Variants in HYDIN observed in about 807,000 individuals in gnomAD.
HYDIN encodes the protein axonemal central pair apparatus protein HYDIN.
Under a neutral mutation model 403.9 loss-of-function variants are expected in HYDIN, and 132 were observed. That is an observed-to-expected ratio of 0.33 (90% confidence interval 0.28 to 0.38). The LOEUF (loss-of-function observed/expected upper bound fraction) is 0.38, where lower values mean the gene tolerates loss of function less well. Ranked by LOEUF, HYDIN falls within the 10% of genes least tolerant of loss-of-function variation. The pLI is 1.00. For synonymous variants in HYDIN, 1,202 were observed against 1,891.7 expected (o/e 0.64, Z 9.46); for missense variants, 2,827 against 5,009.5 (o/e 0.56, Z 13.15).
rs1468514709 is a variant in HYDIN at position 70,829,760 on chromosome 16, T to C, written c.13970A>G (p.Gln4657Arg). 2 of 1,614,050 alleles carry C rather than the reference T, an allele frequency of 1.2e-6. No homozygotes were observed. Among genetic ancestry groups the C allele is most frequent in the Non-Finnish European group, 8.5e-7 (1 of 1,179,882 alleles). Residue 4657 changes from glutamine (Q) to arginine (R), a missense_variant, in exon 81 of 86, where the codon CAG becomes CGG. Transcript: ENST00000393567. ...QTILLSNRTNQTWNLHPIFEG... is the reference protein window; with the variant it reads ...QTILLSNRTNRTWNLHPIFEG... ...AAAGATGGGGTGCAGATTCCAGGTC[T>C]GGTTGGTGCGGTTTGACAGCAGGAT...
At chr16:71,178,186 G>A (rs1481023330) in intron 4 of HYDIN, among the ~76,000 whole-genome samples, 1 of 152,084 alleles carries the variant, frequency 6.6e-6, no homozygotes, top group Non-Finnish European at 1.5e-5. Flanking sequence ...TTGGGAGACC[G>A]AAGTGGGTGG....
At chr16:70,871,275 A>G (rs926074286) in intron 65 of HYDIN, among the ~76,000 whole-genome samples, 5 of 152,110 alleles carry the variant, frequency 3.3e-5, no homozygotes, top group Non-Finnish European at 5.9e-5. Flanking sequence ...TAAAGATGAC[A>G]AAGTCCCCAA....
chr16:70,967,487 AT>A (rs10663920), intron 36 of HYDIN, among the ~76,000 whole-genome samples: 126 of 130,506 alleles, frequency 9.7e-4, no homozygotes, highest in South Asian at 1.5e-3. Context: ...ATTATTTTGT[AT>A]TTTTTTTTTT....
intron 13 of HYDIN, among the ~76,000 whole-genome samples, chr16:71,074,705 AC>A (rs2082572545): frequency 1.3e-5 from 1 of 75,458 alleles, no homozygotes; most frequent in Non-Finnish European, 2.4e-5. Flanking sequence ...AACAAAAAAC[AC>A]CAAAAAAAAA....
chr16:71,178,104 A>G (rs2086745463), intron 4 of HYDIN, among the ~76,000 whole-genome samples: 1 of 152,202 alleles, frequency 6.6e-6, no homozygotes, highest in Non-Finnish European at 1.5e-5. Flanking sequence ...TTTGCAGACT[A>G]TAAATGCATT....
intron 39 of HYDIN, among the ~76,000 whole-genome samples, chr16:70,955,798 C>A (rs1456817793): frequency 6.6e-6 from 1 of 152,072 alleles, no homozygotes; most frequent in Non-Finnish European, 1.5e-5. Context: ...CTGGGTTTTC[C>A]CTCAGTTTAA....
chr16:70,833,347 T>C (rs1228590721), intron 79 of HYDIN, among the ~76,000 whole-genome samples: 1 of 141,636 alleles, frequency 7.1e-6, no homozygotes, highest in Non-Finnish European at 1.5e-5. Context: ...TCAGGGAACA[T>C]ATGTATGAAC....
At chr16:70,936,691 G>A (rs1193458741) in intron 44 of HYDIN, among the ~76,000 whole-genome samples, 9 of 151,308 alleles carry the variant, frequency 5.9e-5, no homozygotes, top group South Asian at 4.2e-4. Context: ...GCACCAACAT[G>A]CCCGGCTAAC....
chr16:70,803,625 C>T lies in HYDIN; in HGVS notation c.*3955G>A, dbSNP rs1186593799. ...TTATGACATAACTTGTAGCAAGAGG[C>T]TGCTGATGACATTGTAAGAAATTGT... On this transcript the variant is annotated 3_prime_UTR_variant, in exon 86 of 86. Coordinates refer to ENST00000393567, the MANE Select transcript of HYDIN (RefSeq NM_001270974.2). 6.6e-6 allele frequency among the ~76,000 whole-genome samples: 1 copy of T among 152,222 alleles called. No individual in the cohort carries two copies.
intron 1 of HYDIN, among the ~76,000 whole-genome samples, chr16:71,207,794 T>C (rs776572006): frequency 3.3e-5 from 5 of 151,996 alleles, no homozygotes; most frequent in Non-Finnish European, 7.4e-5. Flanking sequence ...CAAAACAGAC[T>C]TTAAACCAAC....
intron 1 of HYDIN, among the ~76,000 whole-genome samples, chr16:71,218,640 T>C (rs535493629): frequency 1.4e-4 from 22 of 152,228 alleles, no homozygotes; most frequent in Non-Finnish European, 2.9e-4. Context: ...TGAAAGAGTA[T>C]GTTGCCTTTT....
Position 70,940,859 on chromosome 16 carries a change from C to T in HYDIN, c.6853+777G>A, listed in dbSNP as rs868089596. Among the ~76,000 whole-genome samples the T allele has an allele frequency of 3.2e-4, 48 of 152,370 alleles. No individual in the cohort carries two copies. The South Asian group carries it at 4.8e-3, about 15-fold the overall frequency. ...GTAAGCCGGAGTGAGGAAGGGCAGT[C>T]GTGTGGCTGGAGCCGAAGCTCCTGG... On this transcript the variant is annotated intron_variant, in intron 43 of 85. Transcript: ENST00000393567.
chr16:71,163,240 G>A (rs374814282), intron 5 of HYDIN, among the ~76,000 whole-genome samples: 4 of 149,806 alleles, frequency 2.7e-5, no homozygotes, highest in African/African-American at 4.9e-5. Flanking sequence ...CTCCTGCCTC[G>A]GCCTCCCGAG....
At chr16:71,022,349 C>A (rs906080105) in intron 21 of HYDIN, among the ~76,000 whole-genome samples, 1 of 152,198 alleles carries the variant, frequency 6.6e-6, no homozygotes, top group Non-Finnish European at 1.5e-5. Context: ...GCTGCTGGAA[C>A]TTCATGAAGA....
chr16:71,157,727 T>C (rs1304138120), intron 6 of HYDIN, among the ~76,000 whole-genome samples: 1 of 146,476 alleles, frequency 6.8e-6, no homozygotes, highest in African/African-American at 2.5e-5. Context: ...ACAAAAATAT[T>C]TGCAAACAGG....
intron 3 of HYDIN, among the ~76,000 whole-genome samples, chr16:71,184,168 A>G (rs1435562027): frequency 1.3e-5 from 2 of 152,166 alleles, no homozygotes; most frequent in East Asian, 3.8e-4. Flanking sequence ...CATGAGGAAC[A>G]TAACATTGAA....
chr16:70,872,471 T>C (rs567254316), intron 64 of HYDIN, among the ~76,000 whole-genome samples: 3 of 143,316 alleles, frequency 2.1e-5, no homozygotes, highest in Admixed American at 7.0e-5. Context: ...CTCTCATCCA[T>C]CCATTATCCA....
At chr16:71,185,018 G>A in intron 2 of HYDIN, 28 bp from the exon 3 acceptor site, 1 of 1,543,368 alleles carries the variant, frequency 6.5e-7, no homozygotes, top group Admixed American at 1.8e-5. Context: ...AAGAACCAAA[G>A]ATTCTTAAGT....
At chr16:70,834,637 C>A (rs977023865) in intron 78 of HYDIN, among the ~76,000 whole-genome samples, 7 of 152,040 alleles carry the variant, frequency 4.6e-5, no homozygotes, top group African/African-American at 1.7e-4. Context: ...CACTTGAGGT[C>A]AGGAGTTTGA....
Sources: allele counts gnomAD v4.1 joint callset (sites outside exome capture counted in the v4.1 genomes callset), GRCh38; gene constraint gnomAD v4.1.1; transcripts MANE v1.5; gene names NCBI Gene and HGNC (gene_info 2026-07-23, HGNC 2026-07-21).